The following LDB1 variants were observed in gnomAD, a reference collection of about 807,000 sequenced individuals.
LDB1 encodes LIM domain-binding protein 1.
In LDB1, 6 loss-of-function variants were observed where a neutral mutation model predicts 49.7. That is an observed-to-expected ratio of 0.12 (90% CI 0.07 to 0.24). The LOEUF is 0.24. LDB1 is among the 10% of genes least tolerant of loss of function. The pLI, the probability that LDB1 is intolerant of heterozygous loss-of-function variation, is 1.00. For synonymous variants in LDB1, 233 were observed against 202.0 expected (o/e 1.15, Z -1.30); for missense variants, 341 against 561.7 (o/e 0.61, Z 3.97).
Position 102,117,160 on chromosome 10 carries a change from G to A in LDB1, c.25+2926C>T, listed in dbSNP as rs2068345033. On this transcript the variant is annotated intron_variant, in intron 1 of 10. Transcript: ENST00000673968. The surrounding 1 kb of genome is among the most constrained non-coding windows in gnomAD (Gnocchi z 4.2). The stretch of plus-strand genomic sequence containing the variant: ...TGCTCTGGCTTTTGCCTCCAGCCCA[G>A]AGCTCAGAACCCCACACCCACCCTG... Among the ~76,000 whole-genome samples, 1 of 152,130 alleles carries A rather than the reference G, an allele frequency of 6.6e-6. No individual in the cohort carries two copies. Among genetic ancestry groups the A allele is most frequent in the Admixed American group, 6.5e-5 (1 of 15,282 alleles).
intron 10 of LDB1, 75 bp downstream of exon 10, chr10:102,108,954 G>C: frequency 1.3e-6 from 2 of 1,582,214 alleles, no homozygotes; most frequent in Non-Finnish European, 1.7e-6. Flanking sequence ...GCCTGCTAGT[G>C]AGCTCAGGCT....
At chr10:102,120,632 G>A (rs2068408150), upstream of LDB1, among the ~76,000 whole-genome samples, 1 of 152,150 alleles carries the variant, frequency 6.6e-6, no homozygotes, top group South Asian at 2.1e-4. Context: ...GCGAGGGGCT[G>A]GGAGCGCTCG....
At chr10:102,120,016 A>G in intron 1 of LDB1, 70 bp downstream of exon 1, 1 of 1,270,718 alleles carries the variant, frequency 7.9e-7, no homozygotes, top group Non-Finnish European at 1.1e-6. Context: ...AGTTCTCGCC[A>G]AACACGGGGT....
chr10:102,120,747 G>A (rs997971118), upstream of LDB1, among the ~76,000 whole-genome samples: 1 of 152,198 alleles, frequency 6.6e-6, no homozygotes, highest in Admixed American at 6.5e-5. Context: ...CGCGCGCTCG[G>A]TGTCCGTCCT....
chr10:102,102,717 C>A (rs1206535815), downstream of LDB1, among the ~76,000 whole-genome samples: 1 of 152,142 alleles, frequency 6.6e-6, no homozygotes, highest in Non-Finnish European at 1.5e-5. Context: ...GGAGGAGCCC[C>A]AGAGCTGGGC....
Position 102,109,809 on chromosome 10 carries a change from T to C in LDB1, c.648+112A>G. ...TCTCTTATTAAACCTGCTGTTCAGA[T>C]GAAGAAACCCTAACCCTCTGTCTAA... On this transcript the variant is annotated intron_variant, in intron 7 of 10. Coordinates refer to ENST00000673968, the MANE Select transcript of LDB1 (RefSeq NM_001113407.3). The surrounding 1 kb of genome is among the most constrained non-coding windows in gnomAD (Gnocchi z 5.8). 6.4e-7 allele frequency: 1 copy of C among 1,560,842 alleles called. No individual in the cohort carries two copies.
Position 102,109,294 on chromosome 10 carries a change from G to A in LDB1, c.856+90C>T. On this transcript the variant is annotated intron_variant, in intron 9 of 10. Transcript: ENST00000673968. The surrounding 1 kb of genome is among the most constrained non-coding windows in gnomAD (Gnocchi z 5.8). Reference sequence around the variant, plus strand: ...CCAATTTTGTAGACCCGGGAACAAGGAAGGGGTGGGGAAAACTTCAAAAGG... The same window carrying A: ...CCAATTTTGTAGACCCGGGAACAAGAAAGGGGTGGGGAAAACTTCAAAAGG... The A allele has an allele frequency of 1.2e-6, 2 of 1,604,302 alleles. No homozygotes were observed. The highest frequency in any genetic ancestry group is 1.3e-5 in the African/African-American group (1 of 74,746).
At position 102,117,129 on chromosome 10, in the gene LDB1, G is replaced by A. The variant is rs890061377; in HGVS notation, c.25+2957C>T. The stretch of plus-strand genomic sequence containing the variant: ...AAATCACTGTCCTCATGGGGAGGGG[G>A]AAATGTGCTCTGGCTTTTGCCTCCA... On this transcript the variant is annotated intron_variant, in intron 1 of 10. Coordinates refer to ENST00000673968, the MANE Select transcript of LDB1 (RefSeq NM_001113407.3). This position sits in a 1 kb window ranked among gnomAD's most constrained non-coding sequence, Gnocchi z 4.2. 6.6e-6 allele frequency among the ~76,000 whole-genome samples: 1 copy of A among 152,128 alleles called. No homozygotes were observed. Among genetic ancestry groups the A allele is most frequent in the Non-Finnish European group, 1.5e-5 (1 of 68,018 alleles).
intron 5 of LDB1, 77 bp downstream of exon 5, chr10:102,110,792 C>G (rs1378523481): frequency 6.3e-7 from 1 of 1,578,510 alleles, no homozygotes; most frequent in Admixed American, 1.7e-5. Context: ...TCCCCTGGCA[C>G]TCCCAGACCC....
intron 10 of LDB1, 55 bp from the exon 11 acceptor site, chr10:102,108,378 G>T: frequency 6.9e-7 from 1 of 1,450,744 alleles, no homozygotes; most frequent in Non-Finnish European, 9.5e-7. Context: ...GCCCGGCCCA[G>T]GGCGGCAGAT....
At chr10:102,103,279 C>T (rs1157933074), downstream of LDB1, among the ~76,000 whole-genome samples, 5 of 152,222 alleles carry the variant, frequency 3.3e-5, no homozygotes, top group East Asian at 1.9e-4. Context: ...CAACCTGCCT[C>T]GGCCTCCAAA....
chr10:102,107,870 T>TACCC lies in LDB1; in HGVS notation c.*219_*222dup. On this transcript the variant is annotated 3_prime_UTR_variant, in exon 11 of 11. Transcript: ENST00000673968. ...GGTTCCAAGTAGGCATCCACATGAG[T>TACCC]ACCCCCTCCCCCTAAAAGGCTCTGT... The TACCC allele has an allele frequency of 1.7e-6, 1 of 588,300 alleles. No homozygotes were observed. Among genetic ancestry groups the TACCC allele is most frequent in the South Asian group, 2.0e-5 (1 of 49,518 alleles). 36.4% of individuals were successfully genotyped at this position (588,300 alleles called of 1,614,324 possible).
rs2068161189 is a variant in LDB1, at chr10:102,106,514, T to C, written c.*1579A>G. ...TCAAACCGAAAAGTCTCTTTATTGA[T>C]TGGTACCATACATGACTCAAATGGC... is the stretch of plus-strand genomic sequence containing the variant. On this transcript the variant is annotated 3_prime_UTR_variant, in exon 11 of 11. Transcript: ENST00000673968. 7.9e-6 allele frequency among the ~76,000 whole-genome samples: 1 copy of C among 126,062 alleles called. No individual in the cohort carries two copies. Among genetic ancestry groups the C allele is most frequent in the African/African-American group, 3.1e-5 (1 of 32,022 alleles). The allele number at this position is 126,062 out of a possible 152,430, so 82.7% of individuals were successfully genotyped here.
downstream of LDB1, among the ~76,000 whole-genome samples, chr10:102,104,454 G>A (rs895248573): frequency 2.0e-5 from 3 of 152,072 alleles, no homozygotes; most frequent in Non-Finnish European, 4.4e-5. Context: ...ATGTGCTAAG[G>A]CTTGGGACTG....
At chr10:102,120,870 C>T (rs530902742), upstream of LDB1, among the ~76,000 whole-genome samples, 227 of 152,166 alleles carry the variant, frequency 1.5e-3, no homozygotes, top group African/African-American at 5.3e-3. Context: ...GGCCGCGCTC[C>T]GGGAGGGAAA....
At position 102,109,743 on chromosome 10, in the gene LDB1, C is replaced by T; in HGVS notation, c.649-60G>A. ...CACCTGGGTTGCCTCTGCTCACCTG[C>T]CCTATCATCTGAGCATTGTGACACT... On this transcript the variant is annotated intron_variant, in intron 7 of 10. Transcript: ENST00000673968. This position sits in a 1 kb window ranked among gnomAD's most constrained non-coding sequence, Gnocchi z 5.8. The T allele has an allele frequency of 6.4e-7, 1 of 1,558,992 alleles. No individual in the cohort carries two copies. Among genetic ancestry groups the T allele is most frequent in the Non-Finnish European group, 8.8e-7 (1 of 1,130,496 alleles).
chr10:102,111,671 C>T (rs1484307256), intron 1 of LDB1, 135 bp from the exon 2 acceptor site: 3 of 530,262 alleles, frequency 5.7e-6, no homozygotes, highest in East Asian at 3.0e-5. Context: ...GGCAACATAG[C>T]GAGACCTCGT....
chr10:102,111,475 A>G lies in LDB1; in HGVS notation c.87T>C (p.Phe29=), dbSNP rs769615407. The G allele has an allele frequency of 1.1e-5, 17 of 1,564,648 alleles. No homozygotes were observed. The Admixed American group carries it at 2.4e-4, about 22-fold the overall frequency. Residue 29 remains phenylalanine (F), a synonymous_variant, in exon 2 of 11, where the codon TTT becomes TTC. Coordinates refer to ENST00000673968, the MANE Select transcript of LDB1 (RefSeq NM_001113407.3). ...SPKEPPNGNA[F]PPFHPGTMLD... ...GCATGGTGCCGGGATGGAAGGGGGG[A>G]AAGGCGTTGCCGTTCGGGGGCTCCT...
At chr10:102,108,733 G>C (rs1352822354) in intron 10 of LDB1, among the ~76,000 whole-genome samples, 1 of 152,190 alleles carries the variant, frequency 6.6e-6, no homozygotes, top group East Asian at 1.9e-4. Flanking sequence ...ATCAGTGTGA[G>C]TGTGTGTGCT....
Sources: gnomAD v4.1 joint callset for allele counts (sites outside exome capture counted in the v4.1 genomes callset) on GRCh38, gnomAD v4.1.1 for gene constraint, Gnocchi (gnomAD v3.1) non-coding constraint, MANE v1.5 for transcripts, NCBI Gene and HGNC (gene_info 2026-07-23, HGNC 2026-07-21) for gene names.